The following ROCK1 variants were observed in gnomAD, a reference collection of about 807,000 sequenced individuals.
The protein encoded by ROCK1 is rho-associated protein kinase 1.
ROCK1 carries 36 observed loss-of-function variants against 196.8 expected under a neutral mutation model. That is an observed-to-expected ratio of 0.18 (90% CI 0.14 to 0.24). The LOEUF is 0.24. ROCK1 is among the 10% of genes least tolerant of loss of function. The pLI is 1.00. For synonymous variants in ROCK1, 443 were observed against 515.9 expected, an observed-to-expected ratio of 0.86 and a Z score of 1.91; for missense variants, 920 against 1,562.0, an observed-to-expected ratio of 0.59 and a Z score of 6.93.
chr18:21,073,138 C>T (rs890310920), intron 1 of ROCK1, among the ~76,000 whole-genome samples: 2 of 109,240 alleles, frequency 1.8e-5, no homozygotes, highest in African/African-American at 6.6e-5. Context: ...AGGGGCCAAT[C>T]AATGTCAAAA....
intron 1 of ROCK1, among the ~76,000 whole-genome samples, chr18:21,085,484 A>G (rs1568405899): frequency 6.6e-6 from 1 of 152,160 alleles, no homozygotes; most frequent in African/African-American, 2.4e-5. Flanking sequence ...TTAATGGAAA[A>G]TGAAGAAATG....
chr18:21,035,118 C>CA (rs200539630), intron 9 of ROCK1, among the ~76,000 whole-genome samples: 4 of 152,082 alleles, frequency 2.6e-5, no homozygotes, highest in Non-Finnish European at 4.4e-5. Flanking sequence ...TATTTAAACA[C>CA]AAAAAACAAA....
At chr18:21,014,677 T>G (rs539031416) in intron 13 of ROCK1, among the ~76,000 whole-genome samples, 2 of 152,298 alleles carry the variant, frequency 1.3e-5, no homozygotes, top group East Asian at 3.9e-4. Flanking sequence ...CTCTAAATCT[T>G]CATAGATATC....
At chr18:21,066,075 T>G (rs893585889) in intron 2 of ROCK1, among the ~76,000 whole-genome samples, 1 of 152,174 alleles carries the variant, frequency 6.6e-6, no homozygotes, top group South Asian at 2.1e-4. Flanking sequence ...AACAAAAATT[T>G]ACCTTTAATA....
At chr18:21,072,974 T>TGA (rs2036398002) in intron 1 of ROCK1, among the ~76,000 whole-genome samples, 1 of 142,846 alleles carries the variant, frequency 7.0e-6, no homozygotes. Flanking sequence ...CTCGGGAGGT[T>TGA]GAGACAGGAC....
At chr18:21,045,894 C>G (rs1054395469) in intron 4 of ROCK1, among the ~76,000 whole-genome samples, 1 of 131,578 alleles carries the variant, frequency 7.6e-6, no homozygotes, top group Non-Finnish European at 1.6e-5. Context: ...CTTACAGTTT[C>G]AGCTGTTTTT....
At chr18:20,958,937 TAA>T (rs1279539324) in intron 29 of ROCK1, among the ~76,000 whole-genome samples, 3 of 94,544 alleles carry the variant, frequency 3.2e-5, no homozygotes, top group South Asian at 2.7e-4. Flanking sequence ...ATATATTATA[TAA>T]AAAATAATAT....
intron 26 of ROCK1, 112 bp from the exon 27 acceptor site, chr18:20,967,188 A>T (rs2035382171): frequency 1.4e-6 from 1 of 713,792 alleles, no homozygotes; most frequent in Non-Finnish European, 2.3e-6. Context: ...AGTAAACTTC[A>T]TGAATGTTTG....
intron 16 of ROCK1, among the ~76,000 whole-genome samples, chr18:20,993,212 C>CT (rs937577284): frequency 2.1e-4 from 32 of 151,228 alleles, no homozygotes; most frequent in Admixed American, 1.4e-3. Context: ...TTACTGAGTG[C>CT]TTTTTTTTTG....
At chr18:20,991,382 G>A in intron 17 of ROCK1, 56 bp from the exon 18 acceptor site, 1 of 1,167,666 alleles carries the variant, frequency 8.6e-7, no homozygotes, top group Non-Finnish European at 1.2e-6. Context: ...ATGCATGTTA[G>A]TAAATCTTAC....
intron 4 of ROCK1, among the ~76,000 whole-genome samples, chr18:21,045,879 T>G (rs949790565): frequency 4.7e-5 from 7 of 150,172 alleles, no homozygotes; most frequent in African/African-American, 1.7e-4. Context: ...CTTTGATAAA[T>G]TTGGCTTACA....
chr18:21,000,232 C>T (rs1243192870), intron 16 of ROCK1, among the ~76,000 whole-genome samples: 9 of 151,832 alleles, frequency 5.9e-5, no homozygotes, highest in Non-Finnish European at 1.3e-4. Flanking sequence ...TCCAGAATAT[C>T]ATAGATGCAT....
intron 16 of ROCK1, among the ~76,000 whole-genome samples, chr18:20,995,362 C>T (rs1338734066): frequency 1.3e-5 from 2 of 152,222 alleles, no homozygotes; most frequent in Non-Finnish European, 2.9e-5. Context: ...ACCGATTGTC[C>T]TCTCTGCAGG....
chr18:21,069,685 C>T lies in ROCK1; in HGVS notation c.175+847G>A, dbSNP rs182816997. On this transcript the variant is annotated intron_variant, in intron 2 of 32. Coordinates refer to ENST00000399799, the MANE Select transcript of ROCK1 (RefSeq NM_005406.3). ...CATTAAGATAAATAGTCAAGCCTCT[C>T]CATCTTTTTAGTTCCTTCACTATGT... Among the ~76,000 whole-genome samples, 99 of 152,164 alleles carry T rather than the reference C, an allele frequency of 6.5e-4. No individual in the cohort carries two copies. The Middle Eastern group carries it at 0.014, about 21-fold the overall frequency.
chr18:21,047,776 C>T (rs1011914419), intron 4 of ROCK1, among the ~76,000 whole-genome samples: 2 of 149,136 alleles, frequency 1.3e-5, no homozygotes, highest in African/African-American at 5.0e-5. Context: ...CCGGCCTGGG[C>T]GACAGAGCGA....
At chr18:21,045,513 A>G in intron 4 of ROCK1, 46 bp from the exon 5 acceptor site, 2 of 1,425,024 alleles carry the variant, frequency 1.4e-6, no homozygotes, top group Non-Finnish European at 9.3e-7. Flanking sequence ...TTAATGTTAA[A>G]CAAAATTGTT....
At chr18:21,033,293 T>C (rs1248357287) in intron 9 of ROCK1, among the ~76,000 whole-genome samples, 4 of 152,134 alleles carry the variant, frequency 2.6e-5, no homozygotes, top group Non-Finnish European at 4.4e-5. Flanking sequence ...CCCTTCATGA[T>C]TGAAAACACC....
chr18:20,980,212 G>A (rs1000186881), intron 21 of ROCK1, among the ~76,000 whole-genome samples: 3 of 151,552 alleles, frequency 2.0e-5, no homozygotes, highest in African/African-American at 7.3e-5. Flanking sequence ...AACTGGAAAT[G>A]ACCCAGACAT....
chr18:21,067,146 C>T (rs2036341702), intron 2 of ROCK1, among the ~76,000 whole-genome samples: 1 of 152,000 alleles, frequency 6.6e-6, no homozygotes, highest in African/African-American at 2.4e-5. Context: ...CTTATTGTGG[C>T]CATAATTTGC....
Sources: allele counts gnomAD v4.1 joint callset (sites outside exome capture counted in the v4.1 genomes callset), GRCh38; gene constraint gnomAD v4.1.1; transcripts MANE v1.5; gene names NCBI Gene and HGNC (gene_info 2026-07-23, HGNC 2026-07-21).